Variants in GPD1L observed in about 807,000 individuals in gnomAD.
The protein encoded by GPD1L is glycerol-3-phosphate dehydrogenase 1 like, also known as glycerol-3-phosphate dehydrogenase 1-like protein.
In GPD1L, 17 loss-of-function variants were observed where a neutral mutation model predicts 32.9. The observed-to-expected ratio is 0.52, with a 90% CI of 0.35 to 0.78. The LOEUF (loss-of-function observed/expected upper bound fraction) is 0.78. GPD1L is among the 30% of genes least tolerant of loss of function. The pLI is 0.01. For missense variants in GPD1L, 361 were observed against 447.8 expected, an observed-to-expected ratio of 0.81 and a Z score of 1.75; for synonymous variants, 187 against 165.9, an observed-to-expected ratio of 1.13 and a Z score of -0.98.
chr3:32,127,346 G>A (rs971547253), intron 1 of GPD1L, among the ~76,000 whole-genome samples: 15 of 152,204 alleles, frequency 9.9e-5, no homozygotes, highest in African/African-American at 3.6e-4. Flanking sequence ...GCCCACCATG[G>A]CCCCATCAGC....
At chr3:32,128,286 A>G (rs113463869) in intron 2 of GPD1L, 33 bp downstream of exon 2, 229 of 1,571,424 alleles carry the variant, frequency 1.5e-4, no homozygotes, top group Non-Finnish European at 1.8e-4. Context: ...ACATTGGTTC[A>G]TTCTGCAAGT....
chr3:32,134,855 C>G (rs951670615), intron 2 of GPD1L, among the ~76,000 whole-genome samples: 1 of 152,176 alleles, frequency 6.6e-6, no homozygotes, highest in African/African-American at 2.4e-5. Flanking sequence ...TTGCAAGACA[C>G]GGGTAGATTT....
At chr3:32,123,436 C>T (rs1700454332) in intron 1 of GPD1L, among the ~76,000 whole-genome samples, 1 of 152,122 alleles carries the variant, frequency 6.6e-6, no homozygotes, top group Non-Finnish European at 1.5e-5. Flanking sequence ...AGACATTCTG[C>T]ACTCGCTCAG....
At chr3:32,146,250 C>G (rs1416714733) in intron 4 of GPD1L, among the ~76,000 whole-genome samples, 2 of 152,004 alleles carry the variant, frequency 1.3e-5, no homozygotes, top group African/African-American at 4.8e-5. Context: ...CCACGCCCAG[C>G]TAATTTTTTG....
In GPD1L at chr3:32,122,548, T is replaced by C. The variant is rs183913181; in HGVS notation, c.48-5528T>C. On this transcript the variant is annotated intron_variant, in intron 1 of 7. Coordinates refer to ENST00000282541, the MANE Select transcript of GPD1L (RefSeq NM_015141.4). Reference sequence around the variant, plus strand: ...CTTTAAGGCCTAAGACTTAAGACAATTCATTATTTCATGGGTAATAGAATT... The same window carrying C: ...CTTTAAGGCCTAAGACTTAAGACAACTCATTATTTCATGGGTAATAGAATT... Among the ~76,000 whole-genome samples the C allele has an allele frequency of 2.0e-5, 3 of 152,334 alleles. No individual in the cohort carries two copies. The East Asian group carries it at 5.8e-4, about 29-fold the overall frequency.
At chr3:32,137,413 A>G (rs534894525) in intron 2 of GPD1L, among the ~76,000 whole-genome samples, 1 of 152,340 alleles carries the variant, frequency 6.6e-6, no homozygotes, top group East Asian at 1.9e-4. Flanking sequence ...TTCTGCTCTA[A>G]GATGACTGTC....
rs114729491 is a variant in GPD1L at position 32,145,299 on chromosome 3, A to G, written c.506-1323A>G. Among the ~76,000 whole-genome samples the G allele has an allele frequency of 5.6e-3, 852 of 152,104 alleles. 10 individuals carry two copies. Among genetic ancestry groups the G allele is most frequent in the African/African-American group, 0.019 (782 of 41,476 alleles). On this transcript the variant is annotated intron_variant, in intron 4 of 7. Coordinates refer to ENST00000282541, the MANE Select transcript of GPD1L (RefSeq NM_015141.4). ...GTGCCACTGCACTCTAGCCTGGGCA[A>G]CACAGCAACTCTGTCTCATAAATAA... is the stretch of plus-strand genomic sequence containing the variant.
chr3:32,147,072 A>G (rs1700841232), intron 5 of GPD1L, among the ~76,000 whole-genome samples: 1 of 152,340 alleles, frequency 6.6e-6, no homozygotes, highest in South Asian at 2.1e-4. Context: ...TTTTTCTCCC[A>G]CACTTCATCC....
chr3:32,142,128 T>C (rs1186399061), intron 4 of GPD1L, among the ~76,000 whole-genome samples: 1 of 152,018 alleles, frequency 6.6e-6, no homozygotes, highest in Non-Finnish European at 1.5e-5. Flanking sequence ...GATTTTCTTT[T>C]TTTTTTTTTG....
intron 5 of GPD1L, among the ~76,000 whole-genome samples, chr3:32,156,720 T>C (rs1700996220): frequency 6.6e-6 from 1 of 152,172 alleles, no homozygotes; most frequent in African/African-American, 2.4e-5. Flanking sequence ...GCCACATCAA[T>C]GATATGTTTG....
intron 1 of GPD1L, among the ~76,000 whole-genome samples, chr3:32,110,922 A>G (rs76810324): frequency 0.038 from 5,740 of 152,280 alleles, 266 homozygotes; most frequent in East Asian, 0.14. Flanking sequence ...CTAGAGTGCA[A>G]TGGCACCATC....
Position 32,159,032 on chromosome 3 carries a change from G to C in GPD1L, c.775G>C (p.Gly259Arg). ...VSTATFLESC[G>R]VADLITTCYG... ...TACAGCCACCTTCCTAGAGAGCTGC[G>C]GGGTGGCCGACCTGATCACCACCTG... The change falls in exon 6 of 8, where the codon GGG (glycine) becomes CGG (arginine). Residue 259 changes from glycine (G) to arginine (R), a missense_variant. By Grantham distance (125) the Gly-to-Arg change is moderately radical. Coordinates refer to ENST00000282541, the MANE Select transcript of GPD1L (RefSeq NM_015141.4). 6.2e-7 allele frequency: 1 copy of C among 1,613,976 alleles called. No homozygotes were observed. Among genetic ancestry groups the C allele is most frequent in the South Asian group, 1.1e-5 (1 of 91,088 alleles).
chr3:32,106,782 C>A lies in GPD1L; in HGVS notation c.47+24C>A, dbSNP rs746078299. On this transcript the variant is annotated intron_variant, in intron 1 of 7. Coordinates refer to ENST00000282541, the MANE Select transcript of GPD1L (RefSeq NM_015141.4). This position sits in a 1 kb window ranked among gnomAD's most constrained non-coding sequence, Gnocchi z 4.0. ...TGGTGAGCGGCGGCGGGCTGGAGGC[C>A]GGGGCTCCGCTTCCAGGAAGCGCCT... The A allele has an allele frequency of 5.2e-6, 8 of 1,550,852 alleles. No individual in the cohort carries two copies. The South Asian group carries it at 9.5e-5, about 18-fold the overall frequency.
rs200030272 is a variant in GPD1L, at chr3:32,149,841, C to T, written c.618+3107C>T. Among the ~76,000 whole-genome samples, 6 of 151,618 alleles carry T rather than the reference C, an allele frequency of 4.0e-5. 1 individual carries two copies. Among genetic ancestry groups the T allele is most frequent in the South Asian group, 4.2e-4 (2 of 4,798 alleles). On this transcript the variant is annotated intron_variant, in intron 5 of 7. Transcript: ENST00000282541. ...GTGTGTGCCTGTAATCCCAGCTACT[C>T]GGGAGGCTGAGGCACGAGAATCACT...
intron 5 of GPD1L, among the ~76,000 whole-genome samples, chr3:32,152,183 G>C (rs1044446705): frequency 6.6e-6 from 1 of 152,120 alleles, no homozygotes; most frequent in Non-Finnish European, 1.5e-5. Context: ...TCAGATTTTG[G>C]AGCATTTTGG....
chr3:32,155,770 G>A (rs1575121304), intron 5 of GPD1L, among the ~76,000 whole-genome samples: 1 of 152,276 alleles, frequency 6.6e-6, no homozygotes, highest in East Asian at 1.9e-4. Flanking sequence ...CTGAAAGAAT[G>A]TCAATACTAG....
At chr3:32,143,816 T>C (rs1700782767) in intron 4 of GPD1L, among the ~76,000 whole-genome samples, 2 of 152,114 alleles carry the variant, frequency 1.3e-5, no homozygotes, top group South Asian at 4.1e-4. Context: ...ACCTCATCTT[T>C]ACTAAAAATA....
At position 32,140,363 on chromosome 3, in the gene GPD1L, A is replaced by G; in HGVS notation, c.502A>G (p.Ile168Val). The change falls in exon 4 of 8, where the codon ATC (isoleucine) becomes GTC (valine). Residue 168 changes from isoleucine to valine, a missense_variant. By Grantham distance (29) the Ile-to-Val change is conservative. Coordinates refer to ENST00000282541, the MANE Select transcript of GPD1L (RefSeq NM_015141.4). ...VAAEKFCETT[I>V]GSKVMENGLL... The stretch of plus-strand genomic sequence containing the variant: ...TGCAGAGAAGTTCTGTGAGACCACC[A>G]TCGGTAAGCACTGCCTGGGAGGGAC... 6.2e-7 allele frequency: 1 copy of G among 1,614,158 alleles called. No individual in the cohort carries two copies. The highest frequency in any genetic ancestry group is 1.3e-5 in the African/African-American group (1 of 75,046).
chr3:32,159,804 C>T (rs1575122754), intron 7 of GPD1L, 130 bp downstream of exon 7: 1 of 711,680 alleles, frequency 1.4e-6, no homozygotes, highest in African/African-American at 1.7e-5. Flanking sequence ...TAGTTCAGTC[C>T]TTTGTGTGAT....
Sources: allele counts gnomAD v4.1 joint callset (sites outside exome capture counted in the v4.1 genomes callset), GRCh38; gene constraint gnomAD v4.1.1; non-coding constraint Gnocchi (gnomAD v3.1); transcripts MANE v1.5; gene names NCBI Gene and HGNC (gene_info 2026-07-23, HGNC 2026-07-21).